NEB: variants seen among roughly 807,000 people sequenced by gnomAD.
The protein encoded by NEB is nebulin, also known as nemaline myopathy type 2.
NEB carries 512 observed loss-of-function variants against 952.2 expected under a neutral mutation model. The observed-to-expected ratio is 0.54, with a 90% confidence interval of 0.50 to 0.58. The LOEUF is 0.58. Ranked by LOEUF, NEB falls within the 20% of genes least tolerant of loss-of-function variation. The probability of loss-of-function intolerance (pLI) is 0.00; values close to 1 mark genes in which losing one functional copy is unlikely to be tolerated. For synonymous variants in NEB, 2,900 were observed against 3,149.8 expected, an observed-to-expected ratio of 0.92 and a Z score of 2.66; for missense variants, 8,428 against 9,231.1, an observed-to-expected ratio of 0.91 and a Z score of 3.56.
chr2:151,577,699 C>T (rs1361763736), intron 105 of NEB, among the ~76,000 whole-genome samples: 1 of 152,164 alleles, frequency 6.6e-6, no homozygotes, highest in Admixed American at 6.5e-5. Flanking sequence ...CTGCCTCAGC[C>T]TCCTGTGTAG....
In NEB at chr2:151,663,542, A is replaced by T; in HGVS notation, c.5763+6T>A. On this transcript the variant is annotated splice_donor_region_variant and intron_variant, in intron 45 of 181. Coordinates refer to ENST00000397345, the MANE Select transcript of NEB (RefSeq NM_001164508.2). ...TAAACGCTCTGCAAATGTGGTTTTC[A>T]CGTACATCACTTTGAATCTGCATCA... The T allele has an allele frequency of 1.2e-6, 2 of 1,600,692 alleles. No homozygotes were observed. Among genetic ancestry groups the T allele is most frequent in the Non-Finnish European group, 1.7e-6 (2 of 1,170,178 alleles).
chr2:151,676,307 G>A (rs2099358797), intron 34 of NEB, among the ~76,000 whole-genome samples: 1 of 152,098 alleles, frequency 6.6e-6, no homozygotes, highest in African/African-American at 2.4e-5. Flanking sequence ...CTTCTACACA[G>A]CTCCTTCTCT....
intron 63 of NEB, among the ~76,000 whole-genome samples, chr2:151,638,229 A>C (rs1010138463): frequency 2.6e-5 from 4 of 152,256 alleles, no homozygotes; most frequent in African/African-American, 9.6e-5. Context: ...CAGCAGTGAC[A>C]GCTGCCAATG....
At position 151,570,190 on chromosome 2, in the gene NEB, T is replaced by C; in HGVS notation, c.17321A>G (p.Gln5774Arg). The C allele has an allele frequency of 1.2e-6, 2 of 1,613,634 alleles. No individual in the cohort carries two copies. The highest frequency in any genetic ancestry group is 1.7e-6 in the Non-Finnish European group (2 of 1,179,744). The change falls in exon 109 of 182, where the codon CAG becomes CGG. Residue 5774 changes from glutamine to arginine, a missense_variant. Physicochemically the swap from Gln to Arg is conservative, Grantham distance 43. Coordinates refer to ENST00000397345, the MANE Select transcript of NEB (RefSeq NM_001164508.2). ...GTAATCCATGTCACTGACCAGAGCC[T>C]GGGAATTTTTAGAGTGCAGGATGGA... ...MLSILHSKNS[Q>R]ALVSDMDYRN...
At chr2:151,664,909 T>A in intron 42 of NEB, 46 bp from the exon 43 acceptor site, 2 of 1,382,670 alleles carry the variant, frequency 1.4e-6, no homozygotes, top group Non-Finnish European at 2.0e-6. Flanking sequence ...AGGACAAGTT[T>A]GACCCAATGC....
intron 124 of NEB, among the ~76,000 whole-genome samples, chr2:151,560,223 A>C (rs1375938206): frequency 6.6e-6 from 1 of 152,160 alleles, no homozygotes; most frequent in Non-Finnish European, 1.5e-5. Context: ...TATCATATTC[A>C]CTGGTTTATT....
intron 160 of NEB, among the ~76,000 whole-genome samples, chr2:151,513,330 C>T (rs1011692060): frequency 4.7e-4 from 71 of 152,164 alleles, no homozygotes; most frequent in Non-Finnish European, 1.5e-5. Flanking sequence ...CAAACAGCTA[C>T]TTAATTCCTC....
intron 110 of NEB, 107 bp from the exon 111 acceptor site, chr2:151,568,823 G>A (rs77884575): frequency 0.021 from 16,480 of 770,284 alleles, 822 homozygotes; most frequent in East Asian, 0.14. Context: ...ATACAGTGCC[G>A]TATTTGAATA....
intron 34 of NEB, among the ~76,000 whole-genome samples, chr2:151,677,269 A>G (rs1453184946): frequency 6.6e-6 from 1 of 152,212 alleles, no homozygotes; most frequent in Non-Finnish European, 1.5e-5. Context: ...ATGTGTTTGC[A>G]TGTGTATGTG....
At chr2:151,549,909 A>T (rs1474505148) in intron 129 of NEB, among the ~76,000 whole-genome samples, 169 bp from the exon 130 acceptor site, 2 of 152,232 alleles carry the variant, frequency 1.3e-5, no homozygotes, top group African/African-American at 4.8e-5. Context: ...GAGTCATAAA[A>T]TGAGTCAGAT....
At chr2:151,523,057 T>G (rs938255295) in intron 153 of NEB, among the ~76,000 whole-genome samples, 1 of 152,198 alleles carries the variant, frequency 6.6e-6, no homozygotes, top group Non-Finnish European at 1.5e-5. Context: ...TTTTCAAAAT[T>G]TCAACATCAT....
At chr2:151,724,709 C>A (rs942302018) in intron 7 of NEB, 148 bp downstream of exon 7, 4 of 648,676 alleles carry the variant, frequency 6.2e-6, no homozygotes, top group African/African-American at 5.5e-5. Flanking sequence ...GTCATCTGTG[C>A]AGCCTCCTTG....
Position 151,694,405 on chromosome 2 carries a change from T to C in NEB, c.1814A>G (p.Lys605Arg). 1 of 1,613,960 alleles carries C rather than the reference T, an allele frequency of 6.2e-7. No homozygotes were observed. Among genetic ancestry groups the C allele is most frequent in the Non-Finnish European group, 8.5e-7 (1 of 1,179,882 alleles). The change falls in exon 20 of 182, where the codon AAA becomes AGA. Residue 605 changes from lysine to arginine, a missense_variant. Transcript: ENST00000397345. ...GCTGAGGACTCCAATCATTTTCCCT[T>C]TGTTTTTTTCATAGTCTTTCTTGTA... The part of the protein sequence containing the change: ...VMYKKDYEKN[K>R]GKMIGVLSIN...
At chr2:151,515,954 A>G (rs924492934) in intron 157 of NEB, among the ~76,000 whole-genome samples, 4 of 152,162 alleles carry the variant, frequency 2.6e-5, no homozygotes, top group Non-Finnish European at 4.4e-5. Context: ...TCCATTCTCT[A>G]CTCTTGGTTA....
At chr2:151,679,417 T>C (rs1242697779) in intron 32 of NEB, among the ~76,000 whole-genome samples, 1 of 152,166 alleles carries the variant, frequency 6.6e-6, no homozygotes, top group Non-Finnish European at 1.5e-5. Context: ...AGGAGGCTAT[T>C]ATGACTTAAA....
intron 20 of NEB, 150 bp downstream of exon 20, chr2:151,694,173 A>T (rs934831006): frequency 1.4e-6 from 1 of 715,518 alleles, no homozygotes; most frequent in Non-Finnish European, 2.3e-6. Flanking sequence ...AAGGAAGTTC[A>T]TCTTCCTTTA....
chr2:151,666,198 CTGAGA>C lies in NEB; in HGVS notation c.4918_4922del (p.Ser1640GlyfsTer36). 2.5e-6 allele frequency: 4 copies of C among 1,613,942 alleles called. No individual in the cohort carries two copies. The highest frequency in any genetic ancestry group is 3.4e-6 in the Non-Finnish European group (4 of 1,179,844). Reference sequence around the variant, plus strand: ...TGTAGTTGGCGTTGGTGGCAACCTCCTGAGATTTCTTTGCAGCTGTCACACTGACC... The same window carrying C: ...TGTAGTTGGCGTTGGTGGCAACCTCCTTTCTTTGCAGCTGTCACACTGACC... On this transcript the variant is annotated frameshift_variant, in exon 41 of 182. Coordinates refer to ENST00000397345, the MANE Select transcript of NEB (RefSeq NM_001164508.2). LOFTEE classifies it high-confidence loss of function.
chr2:151,612,498 A>C, intron 77 of NEB, 109 bp from the exon 78 acceptor site: 1 of 1,125,202 alleles, frequency 8.9e-7, no homozygotes, highest in Non-Finnish European at 1.3e-6. Flanking sequence ...TTATTTGTGT[A>C]AATTTCTGGG....
intron 161 of NEB, among the ~76,000 whole-genome samples, chr2:151,508,687 C>CCTGA (rs1459513072): frequency 1.3e-5 from 2 of 152,208 alleles, no homozygotes; most frequent in African/African-American, 4.8e-5. Flanking sequence ...CAGAAAGCAG[C>CCTGA]CTGACAGGAC....
Sources: allele counts gnomAD v4.1 joint callset (sites outside exome capture counted in the v4.1 genomes callset), GRCh38; gene constraint gnomAD v4.1.1; transcripts MANE v1.5; gene names NCBI Gene and HGNC (gene_info 2026-07-23, HGNC 2026-07-21).